The following SNX29 variants were observed in gnomAD, a reference collection of about 807,000 sequenced individuals.
The protein encoded by SNX29 is sorting nexin-29.
Under a neutral mutation model 102.1 loss-of-function variants are expected in SNX29, and 78 were observed. That is an observed-to-expected ratio of 0.76 (90% CI 0.64 to 0.92). The LOEUF is 0.92. Among genes scored for constraint, SNX29 ranks in the 40% least tolerant of loss-of-function variants. SNX29 has a pLI of 0.00. For synonymous variants in SNX29, 580 were observed against 414.5 expected, an observed-to-expected ratio of 1.40 and a Z score of -4.85; for missense variants, 1,280 against 1,061.7, an observed-to-expected ratio of 1.21 and a Z score of -2.86.
At chr16:11,981,179 G>A (rs2055405285) in intron 1 of SNX29, among the ~76,000 whole-genome samples, 1 of 151,948 alleles carries the variant, frequency 6.6e-6, no homozygotes, top group Non-Finnish European at 1.5e-5. Context: ...CATGTTGACT[G>A]GGCTGGTCTC....
At chr16:12,077,986 A>G (rs935135856) in intron 10 of SNX29, among the ~76,000 whole-genome samples, 2 of 152,138 alleles carry the variant, frequency 1.3e-5, no homozygotes, top group Non-Finnish European at 2.9e-5. Context: ...CTGTTTAAAG[A>G]CACCTTGTTT....
chr16:12,330,474 T>C (rs190182280), intron 15 of SNX29, among the ~76,000 whole-genome samples: 1 of 152,308 alleles, frequency 6.6e-6, no homozygotes, highest in East Asian at 1.9e-4. Flanking sequence ...GTAATGATAG[T>C]TAACACTCAC....
chr16:12,068,356 C>T (rs1032988530), intron 9 of SNX29, among the ~76,000 whole-genome samples: 1 of 151,982 alleles, frequency 6.6e-6, no homozygotes, highest in African/African-American at 2.4e-5. Flanking sequence ...TGGTGGCACA[C>T]ACCTGTAGTC....
Position 12,569,688 on chromosome 16 carries a change from C to G in SNX29, c.*1059C>G, listed in dbSNP as rs1221331773. The G allele has an allele frequency of 1.3e-5, 3 of 230,160 alleles. No homozygotes were observed. The highest frequency in any genetic ancestry group is 6.6e-5 in the African/African-American group (3 of 45,154). 14.3% of individuals were successfully genotyped at this position (230,160 alleles called of 1,614,324 possible). A position where few individuals can be genotyped will look rare whatever the true frequency, so the allele number is the denominator to read the frequency against. Reference sequence around the variant, plus strand: ...CAGGTGGCTCTCAGAGTACAGGGACCTTGGCAGGTGGAGAGGAGGATGGGG... The same window carrying G: ...CAGGTGGCTCTCAGAGTACAGGGACGTTGGCAGGTGGAGAGGAGGATGGGG... On this transcript the variant is annotated 3_prime_UTR_variant, in exon 21 of 21. Transcript: ENST00000566228.
intron 20 of SNX29, among the ~76,000 whole-genome samples, chr16:12,547,523 AAG>A (rs1222130145): frequency 6.6e-6 from 1 of 152,080 alleles, no homozygotes; most frequent in Non-Finnish European, 1.5e-5. Context: ...GTGTGAGAGA[AAG>A]AGGAACTGGA....
At chr16:12,508,522 T>A (rs184422079) in intron 19 of SNX29, among the ~76,000 whole-genome samples, 47 of 152,338 alleles carry the variant, frequency 3.1e-4, no homozygotes, top group Non-Finnish European at 1.8e-4. Flanking sequence ...GCTAGCTGAT[T>A]TGAGAATGGA....
At chr16:12,177,598 T>C (rs1008511563) in intron 13 of SNX29, among the ~76,000 whole-genome samples, 1 of 152,254 alleles carries the variant, frequency 6.6e-6, no homozygotes, top group Non-Finnish European at 1.5e-5. Flanking sequence ...AGATGCTTAA[T>C]TATTGTGAAT....
At chr16:12,067,036 C>G (rs978695557) in intron 9 of SNX29, among the ~76,000 whole-genome samples, 4 of 147,960 alleles carry the variant, frequency 2.7e-5, no homozygotes, top group Admixed American at 1.3e-4. Context: ...AATAAATAAG[C>G]AGGCCAGTCA....
intron 20 of SNX29, among the ~76,000 whole-genome samples, chr16:12,566,085 C>T (rs1175527589): frequency 6.6e-6 from 1 of 152,248 alleles, no homozygotes; most frequent in Non-Finnish European, 1.5e-5. Context: ...ACTTGATCCC[C>T]ATGATGCTTA....
Position 12,571,060 on chromosome 16 carries a change from C to T in SNX29, c.*2431C>T, listed in dbSNP as rs756152276. The T allele has an allele frequency of 9.0e-5, 21 of 232,514 alleles. No homozygotes were observed. Among genetic ancestry groups the T allele is most frequent in the Non-Finnish European group, 1.2e-4 (14 of 117,632 alleles). 14.4% of individuals were successfully genotyped at this position (232,514 alleles called of 1,614,324 possible). A position where few individuals can be genotyped will look rare whatever the true frequency, so the allele number is the denominator to read the frequency against. On this transcript the variant is annotated 3_prime_UTR_variant, in exon 21 of 21. Transcript: ENST00000566228. ...TCCTCTCATTCTCACTCTAAAAATG[C>T]TGGTGGCCCGCACATGACAGCAACT...
chr16:12,318,952 T>TG (rs1432463884), intron 15 of SNX29, among the ~76,000 whole-genome samples: 1 of 152,164 alleles, frequency 6.6e-6, no homozygotes, highest in Non-Finnish European at 1.5e-5. Context: ...TGGGCGTGAT[T>TG]ACCCTTATCT....
At chr16:12,534,954 CAG>C (rs2077032837) in intron 20 of SNX29, among the ~76,000 whole-genome samples, 2 of 152,314 alleles carry the variant, frequency 1.3e-5, no homozygotes, top group South Asian at 2.1e-4. Context: ...CCCTGCACAG[CAG>C]AGTTATCTGA....
At chr16:12,553,339 G>T (rs569716333) in intron 20 of SNX29, among the ~76,000 whole-genome samples, 18 of 152,318 alleles carry the variant, frequency 1.2e-4, no homozygotes, top group Admixed American at 5.2e-4. Context: ...GGCAGGCAGA[G>T]AAACCAGCTC....
intron 13 of SNX29, among the ~76,000 whole-genome samples, chr16:12,183,384 A>G (rs1334884742): frequency 6.6e-6 from 1 of 152,102 alleles, no homozygotes; most frequent in Admixed American, 6.5e-5. Flanking sequence ...ATAAACTTGG[A>G]TGTACCTACC....
chr16:12,257,933 G>A (rs1352302959), intron 14 of SNX29, among the ~76,000 whole-genome samples: 2 of 152,162 alleles, frequency 1.3e-5, no homozygotes, highest in Non-Finnish European at 2.9e-5. Context: ...AGCCAGTCCT[G>A]CCAGTTCCAA....
chr16:12,245,056 G>C (rs2078220359), intron 14 of SNX29, among the ~76,000 whole-genome samples: 1 of 152,174 alleles, frequency 6.6e-6, no homozygotes, highest in African/African-American at 2.4e-5. Flanking sequence ...TTCTTACAGT[G>C]ATAGAAAACA....
At chr16:12,074,994 G>A (rs186974284) in intron 10 of SNX29, among the ~76,000 whole-genome samples, 2 of 152,132 alleles carry the variant, frequency 1.3e-5, no homozygotes, top group South Asian at 2.1e-4. Context: ...CCTAGTTGTC[G>A]AGCCTTGGCT....
chr16:12,515,731 G>C (rs2089834656), intron 19 of SNX29: 2 of 421,108 alleles, frequency 4.7e-6, no homozygotes, highest in South Asian at 3.7e-5. Context: ...CCGGAGGGCA[G>C]GGGTCACATC....
chr16:12,106,160 G>T (rs1052116655), intron 11 of SNX29, among the ~76,000 whole-genome samples: 1 of 152,172 alleles, frequency 6.6e-6, no homozygotes, highest in African/African-American at 2.4e-5. Flanking sequence ...AGTTTCATCT[G>T]CTCACCCCTG....
Sources: gnomAD v4.1 joint callset for allele counts (sites outside exome capture counted in the v4.1 genomes callset) on GRCh38, gnomAD v4.1.1 for gene constraint, MANE v1.5 for transcripts, NCBI Gene and HGNC (gene_info 2026-07-23, HGNC 2026-07-21) for gene names.